PARP12: variants seen among roughly 807,000 people sequenced by gnomAD.
PARP12 encodes poly(ADP-ribose) polymerase family member 12.
Under a neutral mutation model 72.4 loss-of-function variants are expected in PARP12, and 59 were observed. The observed-to-expected ratio is 0.81, with a 90% CI of 0.66 to 1.01. The LOEUF (loss-of-function observed/expected upper bound fraction) is 1.01. PARP12 is among the 50% of genes least tolerant of loss of function. The pLI is 0.00. For missense variants in PARP12, 851 were observed against 914.0 expected (o/e 0.93, Z 0.89); for synonymous variants, 403 against 371.4 (o/e 1.09, Z -0.98).
chr7:140,025,195 C>T (rs1311528457), intron 11 of PARP12: 4 of 367,572 alleles, frequency 1.1e-5, no homozygotes, highest in South Asian at 2.8e-5. Flanking sequence ...TCCCCCAAAC[C>T]TCAGATTCCT....
chr7:140,053,598 T>C (rs1472924912), intron 4 of PARP12, among the ~76,000 whole-genome samples: 1 of 152,218 alleles, frequency 6.6e-6, no homozygotes, highest in Non-Finnish European at 1.5e-5. Flanking sequence ...AGCTCAGTAA[T>C]ATTGCTTTCA....
At chr7:140,034,358 A>G in intron 7 of PARP12, 27 bp from the exon 8 acceptor site, 1 of 1,557,190 alleles carries the variant, frequency 6.4e-7, no homozygotes, top group Non-Finnish European at 8.8e-7. Context: ...CCAGTGAAAA[A>G]ATATACATAT....
At chr7:140,058,561 C>T (rs1817294176) in intron 1 of PARP12, among the ~76,000 whole-genome samples, 1 of 151,630 alleles carries the variant, frequency 6.6e-6, no homozygotes, top group Admixed American at 6.6e-5. Flanking sequence ...CATGCGAGGA[C>T]ATGGTGAGAA....
chr7:140,024,623 G>A lies in PARP12; in HGVS notation c.2043C>T (p.Ser681=). 3 of 1,614,200 alleles carry A rather than the reference G, an allele frequency of 1.9e-6. No homozygotes were observed. The highest frequency in any genetic ancestry group is 2.5e-6 in the Non-Finnish European group (3 of 1,180,024). Residue 681 remains serine, a synonymous_variant, in exon 12 of 12, where the codon TCC becomes TCT. Transcript: ENST00000263549. ...PEYVIQYTTS[S]KPSVTPSILL... is the part of the protein sequence containing the mutation. ...GGATGGAGGGTGTGACCGAGGGCTT[G>A]GAGGAGGTGGTGTACTGGATGACAT...
chr7:140,061,462 C>T (rs888717569), intron 1 of PARP12, among the ~76,000 whole-genome samples: 1 of 152,128 alleles, frequency 6.6e-6, no homozygotes, highest in Non-Finnish European at 1.5e-5. Flanking sequence ...TACACACACA[C>T]ACACAAAACA....
intron 8 of PARP12, chr7:140,033,238 C>T: frequency 1.0e-6 from 1 of 985,404 alleles, no homozygotes. Context: ...GGCACATTCC[C>T]AGGAAATTAC....
chr7:140,057,005 G>A lies in PARP12; in HGVS notation c.611C>T (p.Ser204Phe). 1 of 1,614,176 alleles carries A rather than the reference G, an allele frequency of 6.2e-7. No homozygotes were observed. Residue 204 changes from serine to phenylalanine, a missense_variant, in exon 3 of 12, where the codon TCT becomes TTT. Ser to Phe is a radical substitution (Grantham distance 155). Transcript: ENST00000263549. The stretch of plus-strand genomic sequence containing the variant: ...CTTCTCCAATTTTTCCAGATTCTCA[G>A]AATTAGAGAAATCATGGGATCTCTT... ...SCKRSHDFSN[S>F]ENLEKLEKLG...
intron 4 of PARP12, among the ~76,000 whole-genome samples, chr7:140,053,538 C>G (rs1817051491): frequency 6.6e-6 from 1 of 152,062 alleles, no homozygotes; most frequent in African/African-American, 2.4e-5. Flanking sequence ...ATATACTTAT[C>G]AAAACTCAGT....
At chr7:140,034,362 T>C in intron 7 of PARP12, 31 bp from the exon 8 acceptor site, 2 of 1,472,420 alleles carry the variant, frequency 1.4e-6, no homozygotes, top group Middle Eastern at 1.7e-4. Context: ...TGAAAAAATA[T>C]ACATATACAT....
chr7:140,033,966 T>C lies in PARP12; in HGVS notation c.1421+269A>G, dbSNP rs992963486. 9.3e-6 allele frequency: 10 copies of C among 1,070,032 alleles called. No individual in the cohort carries two copies. The South Asian group carries it at 1.4e-4, about 15-fold the overall frequency. 66.3% of individuals were successfully genotyped at this position (1,070,032 alleles called of 1,614,324 possible). ...CAAACGGATGGGTTGGCTTCAAGTCTAGACTCGCCTTCAGAGTCTGTCTTC... is the reference window on the plus strand; with the variant it reads ...CAAACGGATGGGTTGGCTTCAAGTCCAGACTCGCCTTCAGAGTCTGTCTTC... On this transcript the variant is annotated intron_variant, in intron 8 of 11. Transcript: ENST00000263549.
At position 140,050,636 on chromosome 7, in the gene PARP12, G is replaced by GA. The variant is rs569335150; in HGVS notation, c.863-3630dup. 3.0e-4 allele frequency among the ~76,000 whole-genome samples: 45 copies of GA among 152,166 alleles called. 1 individual carries two copies. Among genetic ancestry groups the GA allele is most frequent in the Non-Finnish European group, 8.8e-5 (6 of 68,034 alleles). ...TCAAAGAGAGGCAGCAACTCACACA[G>GA]AAACAGCGATACCTAAGGACAGAAT... On this transcript the variant is annotated intron_variant, in intron 4 of 11. Transcript: ENST00000263549.
rs1442321445 is a variant in PARP12 at position 140,057,999 on chromosome 7, T to C, written c.362A>G (p.Glu121Gly). 6.2e-7 allele frequency: 1 copy of C among 1,614,084 alleles called. No individual in the cohort carries two copies. Among genetic ancestry groups the C allele is most frequent in the African/African-American group, 1.3e-5 (1 of 74,926 alleles). ...NCRNSHSLTT[E>G]HNLSVLRTHG... ...AGTTCTCAGCACACTCAGGTTGTGT[T>C]CGGTTGTCAAGCTGTGACTATTCCT... Residue 121 changes from glutamate to glycine, a missense_variant, in exon 2 of 12, where the codon GAA (glutamate) becomes GGA (glycine). By Grantham distance (98) the Glu-to-Gly change is moderately conservative. This residue lies in a region of PARP12 where 492 missense variants were observed against 489.3 expected (regional missense o/e 1.01). Coordinates refer to ENST00000263549, the MANE Select transcript of PARP12 (RefSeq NM_022750.4).
rs1554514733 is a variant in PARP12, at chr7:140,046,819, T to TGC, written c.986+64_986+65insGC. 5.7e-4 allele frequency: 845 copies of TGC among 1,487,816 alleles called. 9 individuals are homozygous for TGC. In the African/African-American group the frequency reaches 0.011, roughly 20 times the overall value. The allele number at this position is 1,487,816 out of a possible 1,614,324, so 92.2% of individuals were successfully genotyped here. A position where few individuals can be genotyped will look rare whatever the true frequency, so the allele number is the denominator to read the frequency against. Reference sequence around the variant, plus strand: ...CTCACAGTGTGTGTGTGTGTGTGTGTGTGTGTGTGTGTGTCACACACAGAA... The same window carrying TGC: ...CTCACAGTGTGTGTGTGTGTGTGTGTGCGTGTGTGTGTGTGTCACACACAGAA... On this transcript the variant is annotated intron_variant, in intron 5 of 11. Transcript: ENST00000263549.
Position 140,041,839 on chromosome 7 carries a change from C to G in PARP12, c.987G>C (p.Arg329Ser), listed in dbSNP as rs933485793. ...TACTGGCTGACTCAGAGCACAGGAT[C>G]CTACAGAAGAAAAACAGCAGCAGAC... ...EEAYCNPKIE[R>S]ILCSESASTF... Residue 329 changes from arginine to serine, a missense_variant and splice_region_variant, in exon 6 of 12, where the codon AGG (arginine) becomes AGC (serine). Physicochemically the swap from Arg to Ser is moderately radical, Grantham distance 110. Around this residue, in one of 3 missense-constraint regions of PARP12, gnomAD observed 492 missense variants for 489.3 expected, o/e 1.01. Coordinates refer to ENST00000263549, the MANE Select transcript of PARP12 (RefSeq NM_022750.4). 1.2e-6 allele frequency: 2 copies of G among 1,607,778 alleles called. No individual in the cohort carries two copies. Among genetic ancestry groups the G allele is most frequent in the African/African-American group, 2.7e-5 (2 of 74,772 alleles).
rs1323615737 is a variant in PARP12 at position 140,041,646 on chromosome 7, G to A, written c.1180C>T (p.Gln394Ter). The A allele has an allele frequency of 6.2e-7, 1 of 1,613,166 alleles. No individual in the cohort carries two copies. ...CACCCTCTTTCCATCACACTTACCT[G>A]TCTTCCATATTCCTGCCAAGAACCA... ...EFGSWQEYGR[Q>*]GTVHPVTTVS... Residue 394 changes from glutamine to a stop codon, truncating the protein, a stop_gained and splice_region_variant, in exon 6 of 12, where the codon CAG becomes TAG. Coordinates refer to ENST00000263549, the MANE Select transcript of PARP12 (RefSeq NM_022750.4). LOFTEE classifies it high-confidence loss of function.
At chr7:140,062,187 C>A (rs910890828) in intron 1 of PARP12, among the ~76,000 whole-genome samples, 1 of 152,082 alleles carries the variant, frequency 6.6e-6, no homozygotes, top group African/African-American at 2.4e-5. Context: ...AGGGGCGACC[C>A]GCGGCGTCGT....
Position 140,037,763 on chromosome 7 carries a change from T to A in PARP12, c.1276A>T (p.Thr426Ser). Residue 426 changes from threonine (T) to serine (S), a missense_variant, in exon 7 of 12, where the codon ACC (threonine) becomes TCC (serine). Coordinates refer to ENST00000263549, the MANE Select transcript of PARP12 (RefSeq NM_022750.4). ...TGCTTTCCGGCCTGGAACTTCAAGG[T>A]GGCTGCCTGGCCGTCAGACCCCGGT... ...CTPGSDGQAA[T>S]LKFQAGKHNY... 2 of 1,614,202 alleles carry A rather than the reference T, an allele frequency of 1.2e-6. No homozygotes were observed. The highest frequency in any genetic ancestry group is 1.7e-6 in the Non-Finnish European group (2 of 1,180,010).
At chr7:140,046,730 G>C (rs1242694966) in intron 5 of PARP12, among the ~76,000 whole-genome samples, 154 bp downstream of exon 5, 1 of 141,526 alleles carries the variant, frequency 7.1e-6, no homozygotes, top group South Asian at 2.2e-4. Context: ...CAGTGTGTGT[G>C]TGTGTGTGTG....
At chr7:140,050,786 G>A (rs905439256) in intron 4 of PARP12, among the ~76,000 whole-genome samples, 1 of 151,738 alleles carries the variant, frequency 6.6e-6, no homozygotes, top group Non-Finnish European at 1.5e-5. Flanking sequence ...AATATTTTTA[G>A]GATACAAAAA....
Sources: gnomAD v4.1 joint callset for allele counts (sites outside exome capture counted in the v4.1 genomes callset) on GRCh38, gnomAD v4.1.1 for gene constraint, gnomAD v4.1.1 regional missense constraint, MANE v1.5 for transcripts, NCBI Gene and HGNC (gene_info 2026-07-23, HGNC 2026-07-21) for gene names.